Variants in ARNT2 observed in about 807,000 individuals in gnomAD.
The protein encoded by ARNT2 is ARNT protein 2.
A neutral mutation model predicts 91.7 loss-of-function variants in ARNT2; 36 were observed. The ratio of observed to expected loss-of-function variants is 0.39; its 90% CI spans 0.30 to 0.52. ARNT2 has a LOEUF of 0.52. Among genes scored for constraint, ARNT2 ranks in the 20% least tolerant of loss-of-function variants. The pLI, the probability that ARNT2 is intolerant of heterozygous loss-of-function variation, is 0.72. For missense variants in ARNT2, 775 were observed against 939.3 expected, an observed-to-expected ratio of 0.83 and a Z score of 2.29; for synonymous variants, 365 against 347.1, an observed-to-expected ratio of 1.05 and a Z score of -0.57.
At chr15:80,467,009 A>C (rs1896665239) in intron 3 of ARNT2, among the ~76,000 whole-genome samples, 1 of 152,270 alleles carries the variant, frequency 6.6e-6, no homozygotes, top group African/African-American at 2.4e-5. Flanking sequence ...GGTCTGTGCC[A>C]CTATGGGACA....
intron 2 of ARNT2, among the ~76,000 whole-genome samples, chr15:80,456,277 C>CTTTTTTTTTT (rs5814025): frequency 6.7e-6 from 1 of 150,052 alleles, no homozygotes; most frequent in Non-Finnish European, 1.5e-5. Flanking sequence ...TTTAACTGTA[C>CTTTTTTTTTT]TTTTTTTTTT....
At chr15:80,502,055 A>G (rs1056855597) in intron 5 of ARNT2, among the ~76,000 whole-genome samples, 1 of 152,200 alleles carries the variant, frequency 6.6e-6, no homozygotes. Flanking sequence ...CTTGAGCCCA[A>G]GTGCTCTAAC....
chr15:80,446,582 C>T (rs1247556902), intron 1 of ARNT2, among the ~76,000 whole-genome samples: 1 of 152,220 alleles, frequency 6.6e-6, no homozygotes, highest in Non-Finnish European at 1.5e-5. Context: ...AGTGGGTGGC[C>T]AAACACGTAA....
chr15:80,534,138 C>T (rs565644731), intron 8 of ARNT2, among the ~76,000 whole-genome samples: 1 of 152,312 alleles, frequency 6.6e-6, no homozygotes, highest in East Asian at 1.9e-4. Flanking sequence ...GAATTAAACT[C>T]CTACCATCAT....
At chr15:80,513,818 A>C in intron 6 of ARNT2, 93 bp from the exon 7 acceptor site, 2 of 1,079,800 alleles carry the variant, frequency 1.9e-6, no homozygotes, top group African/African-American at 3.1e-5. Flanking sequence ...ATGTGTAAGC[A>C]TCAATTAAGG....
At chr15:80,414,754 G>A (rs1284852043) in intron 1 of ARNT2, among the ~76,000 whole-genome samples, 1 of 143,534 alleles carries the variant, frequency 7.0e-6, no homozygotes, top group Non-Finnish European at 1.5e-5. Context: ...GATCACAGCT[G>A]TGTTCTCTCT....
rs59722602 is a variant in ARNT2, at chr15:80,594,055, G to A, written c.*357G>A. The stretch of plus-strand genomic sequence containing the variant: ...AGCCAATGCCCAGAGTGACCAAGCA[G>A]CACCAGCAGGCCTGCCCAGGATGCT... On this transcript the variant is annotated 3_prime_UTR_variant, in exon 19 of 19. Coordinates refer to ENST00000303329, the MANE Select transcript of ARNT2 (RefSeq NM_014862.4). The A allele has an allele frequency of 0.12, 22,631 of 194,704 alleles. 1,789 individuals are homozygous for A. The highest frequency in any genetic ancestry group is 0.31 in the East Asian group (2,300 of 7,342). The allele number at this position is 194,704 out of a possible 1,614,324, so 12.1% of individuals were successfully genotyped here. A position where few individuals can be genotyped will look rare whatever the true frequency, so the allele number is the denominator to read the frequency against.
rs545429014 is a variant in ARNT2 at position 80,421,693 on chromosome 15, A to G, written c.31+17147A>G. On this transcript the variant is annotated intron_variant, in intron 1 of 18. Coordinates refer to ENST00000303329, the MANE Select transcript of ARNT2 (RefSeq NM_014862.4). ...TATTTCTTCCAGCTTGGCTGTTTAA[A>G]CATTCAGTCTCATCATTTGTTTTGA... Among the ~76,000 whole-genome samples the G allele has an allele frequency of 3.3e-5, 5 of 152,322 alleles. No homozygotes were observed. The South Asian group carries it at 1.0e-3, about 32-fold the overall frequency.
intron 1 of ARNT2, chr15:80,444,262 A>G (rs1265388266): frequency 6.5e-6 from 1 of 154,288 alleles, no homozygotes; most frequent in Non-Finnish European, 1.5e-5. Flanking sequence ...TGGAGGGCAC[A>G]CTTCCCCGCT....
At chr15:80,563,371 T>A in intron 12 of ARNT2, 132 bp downstream of exon 12, 12 of 1,164,456 alleles carry the variant, frequency 1.0e-5, no homozygotes, top group Non-Finnish European at 1.4e-5. Context: ...GGATTAAGAA[T>A]AGAGGAGACT....
At chr15:80,571,708 T>A (rs1267678135) in intron 12 of ARNT2, among the ~76,000 whole-genome samples, 1 of 152,198 alleles carries the variant, frequency 6.6e-6, no homozygotes, top group Non-Finnish European at 1.5e-5. Flanking sequence ...GCCCTAGGGA[T>A]GGTCATGGCT....
chr15:80,415,077 T>C (rs1347226737), intron 1 of ARNT2, among the ~76,000 whole-genome samples: 1 of 152,216 alleles, frequency 6.6e-6, no homozygotes, highest in Non-Finnish European at 1.5e-5. Flanking sequence ...TGCTGAAGAC[T>C]GTTCCGGTAT....
At chr15:80,505,928 T>TTTTTTTTTTTG (rs1897268052) in intron 5 of ARNT2, among the ~76,000 whole-genome samples, 1 of 6,080 alleles carries the variant, frequency 1.6e-4, no homozygotes, top group African/African-American at 7.0e-4. Context: ...ACATTTGTTG[T>TTTTTTTTTTTG]TTTTTTTTTT....
At chr15:80,508,064 C>G (rs1316208362) in intron 5 of ARNT2, 92 bp from the exon 6 acceptor site, 1 of 1,214,254 alleles carries the variant, frequency 8.2e-7, no homozygotes, top group Admixed American at 1.9e-5. Context: ...CCTCATTTGG[C>G]AGAGCATTTG....
chr15:80,438,791 G>C (rs1301852376), intron 1 of ARNT2, among the ~76,000 whole-genome samples: 1 of 152,170 alleles, frequency 6.6e-6, no homozygotes, highest in Non-Finnish European at 1.5e-5. Context: ...CTGGGTTCAC[G>C]CGATTCTCCT....
intron 1 of ARNT2, among the ~76,000 whole-genome samples, chr15:80,424,119 G>A (rs56313934): frequency 0.07 from 10,720 of 152,218 alleles, 439 homozygotes; most frequent in Admixed American, 0.1. Context: ...TCCTGAACCA[G>A]GCCCTGTTGC....
intron 8 of ARNT2, among the ~76,000 whole-genome samples, chr15:80,547,501 C>T (rs1236419046): frequency 1.3e-5 from 2 of 152,124 alleles, no homozygotes; most frequent in East Asian, 3.8e-4. Flanking sequence ...TGTATGCTTC[C>T]TTTGGGCTGT....
chr15:80,438,801 TGCCTCA>T (rs1896136061), intron 1 of ARNT2, among the ~76,000 whole-genome samples: 1 of 152,208 alleles, frequency 6.6e-6, no homozygotes, highest in Non-Finnish European at 1.5e-5. Context: ...GCGATTCTCC[TGCCTCA>T]GCCTCCCAAG....
At chr15:80,406,287 C>G (rs1375752315) in intron 1 of ARNT2, among the ~76,000 whole-genome samples, 2 of 152,148 alleles carry the variant, frequency 1.3e-5, no homozygotes, top group Admixed American at 1.3e-4. Flanking sequence ...GAAGAACAGA[C>G]AAGGAGGCCT....
Sources: allele counts gnomAD v4.1 joint callset (sites outside exome capture counted in the v4.1 genomes callset), GRCh38; gene constraint gnomAD v4.1.1; transcripts MANE v1.5; gene names NCBI Gene and HGNC (gene_info 2026-07-23, HGNC 2026-07-21).